Variants in BANK1 observed in about 807,000 individuals in gnomAD.
BANK1 encodes B cell scaffold protein with ankyrin repeats 1.
Under a neutral mutation model 94.5 loss-of-function variants are expected in BANK1, and 95 were observed. That is an observed-to-expected ratio of 1.00 (90% confidence interval 0.85 to 1.19). The LOEUF (loss-of-function observed/expected upper bound fraction) is 1.19, where lower values mean the gene tolerates loss of function less well. Among genes scored for constraint, BANK1 ranks in the 50% most tolerant of loss-of-function variants. The pLI, the probability that BANK1 is intolerant of heterozygous loss-of-function variation, is 0.00. For missense variants in BANK1, 987 were observed against 932.2 expected, an observed-to-expected ratio of 1.06 and a Z score of -0.77; for synonymous variants, 334 against 308.4, an observed-to-expected ratio of 1.08 and a Z score of -0.87.
chr4:101,950,106 A>T (rs1724098406), intron 7 of BANK1, among the ~76,000 whole-genome samples: 1 of 151,934 alleles, frequency 6.6e-6, no homozygotes, highest in Non-Finnish European at 1.5e-5. Context: ...CCTAAGAAAT[A>T]TCATTTCTGG....
rs6532986 is a variant in BANK1 at position 102,060,834 on chromosome 4, C to T, written c.2148+445C>T. Among the ~76,000 whole-genome samples the T allele has an allele frequency of 8.1e-3, 1,234 of 152,180 alleles. 17 individuals are homozygous for T. Among genetic ancestry groups the T allele is most frequent in the African/African-American group, 0.028 (1,173 of 41,528 alleles). ...CTCCTTAAACATTTATTTTTATATA[C>T]GTACACATACACACATTTACATATA... On this transcript the variant is annotated intron_variant, in intron 12 of 16. Transcript: ENST00000322953.
intron 13 of BANK1, among the ~76,000 whole-genome samples, chr4:102,064,952 A>T (rs1427338298): frequency 6.6e-6 from 1 of 152,206 alleles, no homozygotes; most frequent in Non-Finnish European, 1.5e-5. Context: ...CTGTGTAGAG[A>T]GGTAGCCTAA....
intron 4 of BANK1, among the ~76,000 whole-genome samples, chr4:101,867,037 G>A: frequency 2.3e-5 from 1 of 44,180 alleles, no homozygotes; most frequent in Non-Finnish European, 3.9e-5. Flanking sequence ...AGGGGGGAGG[G>A]ATAGCATTGG....
At chr4:101,877,975 GA>G (rs2148884175) in intron 5 of BANK1, among the ~76,000 whole-genome samples, 1 of 151,892 alleles carries the variant, frequency 6.6e-6, no homozygotes, top group South Asian at 2.1e-4. Context: ...TACAAAACAA[GA>G]AACTAAATTA....
intron 1 of BANK1, among the ~76,000 whole-genome samples, chr4:101,814,282 T>A (rs905213876): frequency 6.6e-6 from 1 of 152,188 alleles, no homozygotes; most frequent in East Asian, 1.9e-4. Flanking sequence ...ATGAAAAGTA[T>A]TCAGGCAGGT....
At chr4:101,908,934 C>G (rs374260068) in intron 6 of BANK1, among the ~76,000 whole-genome samples, 1 of 152,192 alleles carries the variant, frequency 6.6e-6, no homozygotes, top group Non-Finnish European at 1.5e-5. Context: ...TGTGGAGAAA[C>G]AGGAACACTT....
intron 6 of BANK1, among the ~76,000 whole-genome samples, chr4:101,917,515 G>A (rs904117588): frequency 6.6e-6 from 1 of 151,774 alleles, no homozygotes; most frequent in Non-Finnish European, 1.5e-5. Flanking sequence ...GTTTTTGAAA[G>A]AAAAATTTTA....
intron 7 of BANK1, among the ~76,000 whole-genome samples, chr4:101,922,810 A>G (rs1464922070): frequency 6.6e-6 from 1 of 151,870 alleles, no homozygotes. Context: ...GACTGCATGC[A>G]TTATAAATTT....
chr4:101,931,475 A>G (rs1723339131), intron 7 of BANK1, among the ~76,000 whole-genome samples: 2 of 151,436 alleles, frequency 1.3e-5, no homozygotes, highest in Admixed American at 1.3e-4. Flanking sequence ...GGGATCTCCT[A>G]GTTCTCAGGC....
At chr4:101,852,561 A>G (rs1727530065) in intron 2 of BANK1, among the ~76,000 whole-genome samples, 1 of 147,010 alleles carries the variant, frequency 6.8e-6, no homozygotes, top group Non-Finnish European at 1.5e-5. Context: ...AATTCCTACC[A>G]CATAGCTCTG....
chr4:101,899,598 G>A (rs956025174), intron 6 of BANK1, among the ~76,000 whole-genome samples: 1 of 152,132 alleles, frequency 6.6e-6, no homozygotes, highest in Non-Finnish European at 1.5e-5. Flanking sequence ...CACGTTTACA[G>A]TGTTTCTTCA....
At chr4:102,028,040 G>A (rs1727161866) in intron 9 of BANK1, among the ~76,000 whole-genome samples, 2 of 152,194 alleles carry the variant, frequency 1.3e-5, no homozygotes, top group African/African-American at 2.4e-5. Flanking sequence ...GAAAGCTTAG[G>A]TCCCACTCTT....
intron 7 of BANK1, among the ~76,000 whole-genome samples, chr4:101,976,224 T>A (rs575906767): frequency 6.6e-5 from 10 of 152,296 alleles, no homozygotes; most frequent in South Asian, 4.1e-4. Context: ...TGGCTGTCTC[T>A]GGATCTATAC....
intron 1 of BANK1, among the ~76,000 whole-genome samples, chr4:101,823,864 A>G (rs1443209065): frequency 6.6e-6 from 1 of 152,228 alleles, no homozygotes; most frequent in African/African-American, 2.4e-5. Flanking sequence ...CCTGCATTTG[A>G]AAGAAAGAAC....
At chr4:102,061,969 C>G (rs947846986) in intron 12 of BANK1, 1 of 152,138 alleles carries the variant, frequency 6.6e-6, no homozygotes, top group African/African-American at 2.4e-5. Flanking sequence ...ATCAGTCAGT[C>G]CTTAACATAA....
chr4:101,799,201 C>A (rs1383049749), intron 1 of BANK1, among the ~76,000 whole-genome samples: 1 of 151,990 alleles, frequency 6.6e-6, no homozygotes, highest in Non-Finnish European at 1.5e-5. Flanking sequence ...TTTCCCAGCA[C>A]CATTTATTAA....
intron 3 of BANK1, among the ~76,000 whole-genome samples, chr4:101,861,638 G>T (rs998508249): frequency 6.6e-6 from 1 of 151,962 alleles, no homozygotes; most frequent in African/African-American, 2.4e-5. Context: ...AAGAGAAAAA[G>T]AAATAGCCTT....
chr4:101,865,088 C>G (rs370550376), intron 4 of BANK1, among the ~76,000 whole-genome samples: 1 of 152,072 alleles, frequency 6.6e-6, no homozygotes, highest in South Asian at 2.1e-4. Flanking sequence ...GTCAGAAAGA[C>G]CTTGCTTCTG....
At position 101,870,566 on chromosome 4, in the gene BANK1, C is replaced by T; in HGVS notation, c.825C>T (p.Thr275=). The T allele has an allele frequency of 6.2e-7, 1 of 1,612,832 alleles. No homozygotes were observed. The highest frequency in any genetic ancestry group is 8.5e-7 in the Non-Finnish European group (1 of 1,179,244). Residue 275 remains threonine, a synonymous_variant, in exon 5 of 17, where the codon ACC becomes ACT. Transcript: ENST00000322953. ...GTGATGGAATCGTTAAAGCTACAAC[C>T]AAAATTAAGTACTACCCAACAGCAA... is the stretch of plus-strand genomic sequence containing the variant. ...VYCDGIVKAT[T]KIKYYPTAKA...
Sources: allele counts gnomAD v4.1 joint callset (sites outside exome capture counted in the v4.1 genomes callset), GRCh38; gene constraint gnomAD v4.1.1; transcripts MANE v1.5; gene names NCBI Gene and HGNC (gene_info 2026-07-23, HGNC 2026-07-21).